PTPRD: variants seen among roughly 807,000 people sequenced by gnomAD.
PTPRD encodes the protein receptor-type tyrosine-protein phosphatase delta.
In PTPRD, 34 loss-of-function variants were observed where a neutral mutation model predicts 214.5. The ratio of observed to expected loss-of-function variants is 0.16; its 90% CI spans 0.12 to 0.21. The LOEUF (loss-of-function observed/expected upper bound fraction) is 0.21, where lower values mean the gene tolerates loss of function less well. Among genes scored for constraint, PTPRD ranks in the 10% least tolerant of loss-of-function variants. The pLI, the probability that PTPRD is intolerant of heterozygous loss-of-function variation, is 1.00. For synonymous variants in PTPRD, 1,128 were observed against 845.7 expected (o/e 1.33, Z -5.79); for missense variants, 2,545 against 2,398.7 (o/e 1.06, Z -1.27).
chr9:9,457,559 T>C (rs1206669276), intron 8 of PTPRD, among the ~76,000 whole-genome samples: 1 of 152,056 alleles, frequency 6.6e-6, no homozygotes, highest in African/African-American at 2.4e-5. Flanking sequence ...TTATACTTTA[T>C]TCTGGGGAAG....
chr9:9,985,420 T>C (rs1440721028), intron 4 of PTPRD, among the ~76,000 whole-genome samples: 1 of 152,216 alleles, frequency 6.6e-6, no homozygotes, highest in Non-Finnish European at 1.5e-5. Context: ...CTCTGCCAGA[T>C]ATGCTGTTTT....
At chr9:9,201,715 GT>G (rs1468459707) in intron 9 of PTPRD, among the ~76,000 whole-genome samples, 58 of 152,188 alleles carry the variant, frequency 3.8e-4, no homozygotes, top group African/African-American at 1.3e-3. Context: ...ATAATGTTTT[GT>G]TGATTGCAAA....
intron 12 of PTPRD, chr9:8,713,396 G>C: frequency 9.2e-7 from 1 of 1,085,596 alleles, no homozygotes; most frequent in Admixed American, 1.7e-5. Context: ...CCCCTCTACC[G>C]CATGCGAATC....
intron 2 of PTPRD, among the ~76,000 whole-genome samples, chr9:10,610,999 C>A (rs1164453836): frequency 6.6e-6 from 1 of 152,086 alleles, no homozygotes; most frequent in African/African-American, 2.4e-5. Flanking sequence ...TATACTCATT[C>A]TACCATTATC....
chr9:9,289,297 G>A lies in PTPRD; in HGVS notation c.-202-105934C>T, dbSNP rs188280914. Among the ~76,000 whole-genome samples, 42 of 151,988 alleles carry A rather than the reference G, an allele frequency of 2.8e-4. 1 individual carries two copies. In the East Asian group the frequency reaches 7.4e-3, roughly 27 times the overall value. On this transcript the variant is annotated intron_variant, in intron 9 of 45. Transcript: ENST00000381196. ...CTTGGTTCATATCTGAAGTCAAGCA[G>A]CTAGCAACTTATTTTATGTGTTAAG...
intron 9 of PTPRD, among the ~76,000 whole-genome samples, chr9:9,345,599 A>G (rs903762505): frequency 6.6e-6 from 1 of 152,180 alleles, no homozygotes; most frequent in South Asian, 2.1e-4. Context: ...ATTAATGCTT[A>G]TAACTCCCCC....
chr9:10,327,200 A>C (rs963024696), intron 3 of PTPRD, among the ~76,000 whole-genome samples: 1 of 141,052 alleles, frequency 7.1e-6, no homozygotes, highest in Non-Finnish European at 1.6e-5. Flanking sequence ...TATATATATG[A>C]TAGCATACTA....
At chr9:8,837,429 C>A (rs2097454423) in intron 11 of PTPRD, among the ~76,000 whole-genome samples, 1 of 152,178 alleles carries the variant, frequency 6.6e-6, no homozygotes, top group Admixed American at 6.5e-5. Context: ...ATTACAAAAA[C>A]TAAATTTTAA....
Position 9,022,047 on chromosome 9 carries a change from C to G in PTPRD, c.-142-3312G>C, listed in dbSNP as rs180827727. ...ATGCGGGGCTTAAAACCTAGATGACCGGTTCATAGGTGCAGCAGACCATCA... is the reference window on the plus strand; with the variant it reads ...ATGCGGGGCTTAAAACCTAGATGACGGGTTCATAGGTGCAGCAGACCATCA... On this transcript the variant is annotated intron_variant, in intron 10 of 45. Transcript: ENST00000381196. Among the ~76,000 whole-genome samples the G allele has an allele frequency of 1.0e-3, 153 of 151,806 alleles. 1 individual carries two copies. The highest frequency in any genetic ancestry group is 3.2e-3 in the African/African-American group (133 of 41,370).
chr9:8,608,027 C>T (rs186181417), intron 14 of PTPRD, among the ~76,000 whole-genome samples: 3 of 152,234 alleles, frequency 2.0e-5, no homozygotes, highest in Non-Finnish European at 2.9e-5. Flanking sequence ...TCAGCTTTTA[C>T]GACGCACTGC....
chr9:9,302,898 C>T (rs1341892032), intron 9 of PTPRD, among the ~76,000 whole-genome samples: 1 of 151,856 alleles, frequency 6.6e-6, no homozygotes, highest in Non-Finnish European at 1.5e-5. Context: ...ATCTCTAGCA[C>T]CCTGCACAGA....
chr9:8,363,544 T>C (rs1279256460), intron 39 of PTPRD, among the ~76,000 whole-genome samples: 5 of 151,598 alleles, frequency 3.3e-5, no homozygotes, highest in Admixed American at 6.5e-5. Flanking sequence ...TTACCTATTT[T>C]ATAGATTGAC....
intron 9 of PTPRD, among the ~76,000 whole-genome samples, chr9:9,287,365 T>A (rs893999127): frequency 6.6e-6 from 1 of 151,880 alleles, no homozygotes; most frequent in African/African-American, 2.4e-5. Context: ...ATTGCTGTAA[T>A]ATTTATTAAT....
chr9:8,970,915 CAA>C (rs1555626170), intron 11 of PTPRD, among the ~76,000 whole-genome samples: 1,740 of 45,034 alleles, frequency 0.039, 13 homozygotes, highest in Non-Finnish European at 0.061. Context: ...CAAAACAAAA[CAA>C]AACAACAACA....
intron 2 of PTPRD, among the ~76,000 whole-genome samples, chr9:10,402,931 G>C (rs1184675144): frequency 6.6e-6 from 1 of 151,242 alleles, no homozygotes; most frequent in Non-Finnish European, 1.5e-5. Flanking sequence ...TGTTTGAATT[G>C]GTGTGCTTCT....
intron 11 of PTPRD, among the ~76,000 whole-genome samples, chr9:8,849,378 C>G (rs924139847): frequency 6.6e-5 from 10 of 151,890 alleles, no homozygotes; most frequent in African/African-American, 1.2e-4. Context: ...AGGCGCCCAC[C>G]ACCACGCCCA....
At chr9:9,897,131 T>TACACACACACACACACAC (rs60964311) in intron 5 of PTPRD, among the ~76,000 whole-genome samples, 1 of 148,876 alleles carries the variant, frequency 6.7e-6, no homozygotes, top group African/African-American at 2.5e-5. Context: ...CTCTTACACT[T>TACACACACACACACACAC]ACACACACAC....
At chr9:8,869,200 T>G (rs1466944184) in intron 11 of PTPRD, among the ~76,000 whole-genome samples, 4 of 152,208 alleles carry the variant, frequency 2.6e-5, no homozygotes, top group African/African-American at 9.6e-5. Flanking sequence ...CTACTACTTC[T>G]GAGAGAGAAA....
intron 14 of PTPRD, among the ~76,000 whole-genome samples, chr9:8,562,729 G>T (rs2086898710): frequency 6.6e-6 from 1 of 152,044 alleles, no homozygotes; most frequent in African/African-American, 2.4e-5. Context: ...GAGCCACTGT[G>T]CCTGGCCAAT....
Sources: gnomAD v4.1 joint callset for allele counts (sites outside exome capture counted in the v4.1 genomes callset) on GRCh38, gnomAD v4.1.1 for gene constraint, MANE v1.5 for transcripts, NCBI Gene and HGNC (gene_info 2026-07-23, HGNC 2026-07-21) for gene names.